The following SOCS7 variants were observed in gnomAD, a reference collection of about 807,000 sequenced individuals.
The protein encoded by SOCS7 is suppressor of cytokine signaling 7.
Under a neutral mutation model 58.9 loss-of-function variants are expected in SOCS7, and 18 were observed. That is an observed-to-expected ratio of 0.31 (90% CI 0.21 to 0.45). SOCS7 has a LOEUF of 0.45. Ranked by LOEUF, SOCS7 falls within the 20% of genes least tolerant of loss-of-function variation. The probability of loss-of-function intolerance (pLI) is 1.00; values close to 1 mark genes in which losing one functional copy is unlikely to be tolerated. For synonymous variants in SOCS7, 388 were observed against 364.3 expected, an observed-to-expected ratio of 1.06 and a Z score of -0.74; for missense variants, 667 against 837.3, an observed-to-expected ratio of 0.80 and a Z score of 2.51.
chr17:38,374,102 C>T (rs2037901661), intron 6 of SOCS7, among the ~76,000 whole-genome samples: 1 of 152,136 alleles, frequency 6.6e-6, no homozygotes, highest in Admixed American at 6.5e-5. Flanking sequence ...CGCCTGTGAT[C>T]CCAGCTACTT....
chr17:38,388,914 T>G (rs2038115606), intron 7 of SOCS7, among the ~76,000 whole-genome samples: 1 of 152,338 alleles, frequency 6.6e-6, no homozygotes. Flanking sequence ...AGTTTTTGGC[T>G]ATTATGAAAT....
At chr17:38,399,469 C>G (rs1232845184) in intron 9 of SOCS7, 44 bp from the exon 10 acceptor site, 1 of 152,368 alleles carries the variant, frequency 6.6e-6, no homozygotes, top group Admixed American at 6.5e-5. Flanking sequence ...CATTTTGGTT[C>G]TATTCTGTTG....
In SOCS7 at chr17:38,395,415, A is replaced by G; in HGVS notation, c.1788A>G (p.Ile596Met). The change falls in exon 8 of 10, where the codon ATA (isoleucine) becomes ATG (methionine). Residue 596 changes from isoleucine (I) to methionine (M), a missense_variant. Around this residue, in one of 9 missense-constraint regions of SOCS7, gnomAD observed 76 missense variants for 194.5 expected, o/e 0.39. Transcript: ENST00000612932. The part of the protein sequence containing the change: ...CRFRIRQLVR[I>M]DHIPDLPLPK... ...TCCGGATACGACAGCTCGTCAGGAT[A>G]GATCACATCCCAGATCTCCCACTGC... The G allele has an allele frequency of 6.2e-7, 1 of 1,614,204 alleles. No individual in the cohort carries two copies. The highest frequency in any genetic ancestry group is 8.5e-7 in the Non-Finnish European group (1 of 1,180,010).
Position 38,352,143 on chromosome 17 carries a change from GC to G in SOCS7, c.96del (p.Glu33SerfsTer32). ...LSRLLGYGEA[A>X]PEPGPPPPPP... ...CCGCCTCCTTGGCTATGGAGAGGCG[GC>G]CCCCGAGCCAGGCCCTCCGCCACCG... On this transcript the variant is annotated frameshift_variant, in exon 1 of 10. Coordinates refer to ENST00000612932, the MANE Select transcript of SOCS7 (RefSeq NM_014598.4). LOFTEE classifies it high-confidence loss of function. This position sits in a 1 kb window ranked among gnomAD's most constrained non-coding sequence, Gnocchi z 5.5. 8.9e-7 allele frequency: 1 copy of G among 1,125,596 alleles called. No individual in the cohort carries two copies. The highest frequency in any genetic ancestry group is 1.1e-6 in the Non-Finnish European group (1 of 892,668). 69.7% of individuals were successfully genotyped at this position (1,125,596 alleles called of 1,614,324 possible). A position where few individuals can be genotyped will look rare whatever the true frequency, so the allele number is the denominator to read the frequency against.
chr17:38,362,348 A>C (rs2037731178), intron 2 of SOCS7, among the ~76,000 whole-genome samples: 1 of 152,202 alleles, frequency 6.6e-6, no homozygotes, highest in Non-Finnish European at 1.5e-5. Context: ...AGGCTGTAGA[A>C]TCTCCTTTGG....
At chr17:38,357,798 T>A (rs1555567015) in intron 1 of SOCS7, among the ~76,000 whole-genome samples, 1 of 152,236 alleles carries the variant, frequency 6.6e-6, no homozygotes, top group Non-Finnish European at 1.5e-5. Flanking sequence ...AAAGGACATG[T>A]GTAAATCTTA....
chr17:38,384,998 G>A (rs1313143784), intron 7 of SOCS7, among the ~76,000 whole-genome samples: 3 of 149,740 alleles, frequency 2.0e-5, no homozygotes, highest in Non-Finnish European at 4.4e-5. Flanking sequence ...CCGGTTTTGA[G>A]CAATTCTCCT....
Position 38,402,785 on chromosome 17 carries a change from G to A in SOCS7, c.*3303G>A, listed in dbSNP as rs1422231919. 6.6e-6 allele frequency: 1 copy of A among 152,138 alleles called. No homozygotes were observed. The highest frequency in any genetic ancestry group is 1.5e-5 in the Non-Finnish European group (1 of 68,030). 9.4% of individuals were successfully genotyped at this position (152,138 alleles called of 1,614,324 possible). On this transcript the variant is annotated 3_prime_UTR_variant, in exon 10 of 10. Coordinates refer to ENST00000612932, the MANE Select transcript of SOCS7 (RefSeq NM_014598.4). ...ATTTTCAAGTCACAAATTGGAAAAG[G>A]CTTACATCTAGGGACCCACTGTTGA...
rs1012109068 is a variant in SOCS7, at chr17:38,381,822, G to T, written c.1681+3980G>T. On this transcript the variant is annotated intron_variant, in intron 7 of 9. Coordinates refer to ENST00000612932, the MANE Select transcript of SOCS7 (RefSeq NM_014598.4). ...CTACTAAAATACAAAAAATTAGTTG[G>T]GCATGGTGGTGCACATCTGTAGTCC... 4.6e-5 allele frequency among the ~76,000 whole-genome samples: 7 copies of T among 151,750 alleles called. No homozygotes were observed. In the East Asian group the frequency reaches 7.8e-4, roughly 17 times the overall value.
chr17:38,370,363 G>A (rs781372218), intron 6 of SOCS7, among the ~76,000 whole-genome samples: 21 of 151,770 alleles, frequency 1.4e-4, no homozygotes, highest in Non-Finnish European at 2.4e-4. Context: ...TTTTTGAGAC[G>A]GGGTCTCACC....
chr17:38,391,409 T>A (rs912605347), intron 7 of SOCS7, among the ~76,000 whole-genome samples: 1 of 152,142 alleles, frequency 6.6e-6, no homozygotes, highest in African/African-American at 2.4e-5. Flanking sequence ...ATCTTTTTTT[T>A]AGACAGGGTC....
At chr17:38,362,307 T>TGCA (rs2037730651) in intron 2 of SOCS7, among the ~76,000 whole-genome samples, 1 of 152,238 alleles carries the variant, frequency 6.6e-6, no homozygotes, top group Non-Finnish European at 1.5e-5. Flanking sequence ...TCTGCCCTCT[T>TGCA]GCAGCAGGGA....
At position 38,389,872 on chromosome 17, in the gene SOCS7, T is replaced by TATATATATATATATGTGTAC. The variant is rs2038137969; in HGVS notation, c.1682-5427_1682-5426insATATGTGTACATATATATAT. Among the ~76,000 whole-genome samples the TATATATATATATATGTGTAC allele has an allele frequency of 1.6e-3, 178 of 111,740 alleles. 10 individuals are homozygous for TATATATATATATATGTGTAC. The highest frequency in any genetic ancestry group is 6.0e-3 in the African/African-American group (157 of 26,188). The allele number at this position is 111,740 out of a possible 152,430, so 73.3% of individuals were successfully genotyped here. A position where few individuals can be genotyped will look rare whatever the true frequency, so the allele number is the denominator to read the frequency against. ...TGTTTGGTGTGTATGTGTGTACATA[T>TATATATATATATATGTGTAC]ATATATATATGTACATATATATATA... On this transcript the variant is annotated intron_variant, in intron 7 of 9. Coordinates refer to ENST00000612932, the MANE Select transcript of SOCS7 (RefSeq NM_014598.4).
At chr17:38,355,682 GGGGCTTTTGCAGTAACCTCT>G (rs1372526881) in intron 1 of SOCS7, among the ~76,000 whole-genome samples, 1 of 152,118 alleles carries the variant, frequency 6.6e-6, no homozygotes, top group African/African-American at 2.4e-5. Flanking sequence ...TGTATAATTT[GGGGCTTTTGCAGTAACCTCT>G]GGGCATAATT....
In SOCS7 at chr17:38,401,220, AAC is replaced by A. The variant is rs1567756325; in HGVS notation, c.*1742_*1743del. 1.3e-5 allele frequency: 2 copies of A among 152,316 alleles called. No homozygotes were observed. The highest frequency in any genetic ancestry group is 1.9e-4 in the East Asian group (1 of 5,180). 9.4% of individuals were successfully genotyped at this position (152,316 alleles called of 1,614,324 possible). A position where few individuals can be genotyped will look rare whatever the true frequency, so the allele number is the denominator to read the frequency against. The stretch of plus-strand genomic sequence containing the variant: ...CCCACAAGATGAGCTGTGCACCATA[AAC>A]ACAGCCCACCTCTGATTTGTCATGT... On this transcript the variant is annotated 3_prime_UTR_variant, in exon 10 of 10. Coordinates refer to ENST00000612932, the MANE Select transcript of SOCS7 (RefSeq NM_014598.4).
chr17:38,363,420 C>T (rs2037746001), intron 2 of SOCS7, among the ~76,000 whole-genome samples: 1 of 152,166 alleles, frequency 6.6e-6, no homozygotes, highest in South Asian at 2.1e-4. Context: ...ACTGCAGCCT[C>T]GACCTCCTAG....
chr17:38,352,435 G>T lies in SOCS7; in HGVS notation c.383G>T (p.Gly128Val). 6.9e-7 allele frequency: 1 copy of T among 1,458,004 alleles called. No individual in the cohort carries two copies. The highest frequency in any genetic ancestry group is 9.0e-7 in the Non-Finnish European group (1 of 1,108,656). 90.3% of individuals were successfully genotyped at this position (1,458,004 alleles called of 1,614,324 possible). The change falls in exon 1 of 10, where the codon GGG (glycine) becomes GTG (valine). Residue 128 changes from glycine (G) to valine (V), a missense_variant. Physicochemically the swap from Gly to Val is moderately radical, Grantham distance 109. This residue lies in a region of SOCS7 where 154 missense variants were observed against 156.3 expected (regional missense o/e 0.98). Coordinates refer to ENST00000612932, the MANE Select transcript of SOCS7 (RefSeq NM_014598.4). This position sits in a 1 kb window ranked among gnomAD's most constrained non-coding sequence, Gnocchi z 5.5. Reference protein sequence around the residue: ...AGLEAQLAALGLGQPAGPGVK... With the variant: ...AGLEAQLAALVLGQPAGPGVK... ...CTAGAGGCGCAGTTGGCGGCTCTGG[G>T]GCTCGGGCAGCCGGCGGGGCCGGGG...
At position 38,368,028 on chromosome 17, in the gene SOCS7, C is replaced by T; in HGVS notation, c.1530C>T (p.His510=). 2 of 1,614,004 alleles carry T rather than the reference C, an allele frequency of 1.2e-6. No individual in the cohort carries two copies. Among genetic ancestry groups the T allele is most frequent in the Non-Finnish European group, 8.5e-7 (1 of 1,179,920 alleles). Residue 510 remains histidine, a synonymous_variant, in exon 6 of 10, where the codon CAC becomes CAT. Coordinates refer to ENST00000612932, the MANE Select transcript of SOCS7 (RefSeq NM_014598.4). Reference sequence around the variant, plus strand: ...TCCGATCACAGGGTATCACCCACCACACTAGAATGGAGCACTACAGAGGTA... The same window carrying T: ...TCCGATCACAGGGTATCACCCACCATACTAGAATGGAGCACTACAGAGGTA... ...LSFRSQGITH[H]TRMEHYRGTF... is the part of the protein sequence containing the mutation.
At chr17:38,373,993 G>A (rs906432789) in intron 6 of SOCS7, among the ~76,000 whole-genome samples, 2 of 152,176 alleles carry the variant, frequency 1.3e-5, no homozygotes, top group African/African-American at 2.4e-5. Context: ...GGCCAAGGTG[G>A]GTGGATCACC....
Sources: gnomAD v4.1 joint callset for allele counts (sites outside exome capture counted in the v4.1 genomes callset) on GRCh38, gnomAD v4.1.1 for gene constraint, gnomAD v4.1.1 regional missense constraint, Gnocchi (gnomAD v3.1) non-coding constraint, MANE v1.5 for transcripts, NCBI Gene and HGNC (gene_info 2026-07-23, HGNC 2026-07-21) for gene names.